Variants in ATP8A1 observed in about 807,000 individuals in gnomAD.
The protein encoded by ATP8A1 is phospholipid-transporting ATPase IA.
In ATP8A1, 90 loss-of-function variants were observed where a neutral mutation model predicts 177.7. The observed-to-expected ratio is 0.51, with a 90% CI of 0.43 to 0.60. The LOEUF is 0.60. Ranked by LOEUF, ATP8A1 falls within the 20% of genes least tolerant of loss-of-function variation. ATP8A1 has a pLI of 0.00. For synonymous variants in ATP8A1, 493 were observed against 485.9 expected, an observed-to-expected ratio of 1.01 and a Z score of -0.19; for missense variants, 1,072 against 1,392.8, an observed-to-expected ratio of 0.77 and a Z score of 3.67.
chr4:42,640,842 C>A (rs1366752373), intron 1 of ATP8A1, among the ~76,000 whole-genome samples: 1 of 152,046 alleles, frequency 6.6e-6, no homozygotes, highest in Non-Finnish European at 1.5e-5. Context: ...CCAGCCAGGC[C>A]AGTCAGATCC....
chr4:42,507,438 T>C (rs1379487561), intron 22 of ATP8A1, among the ~76,000 whole-genome samples: 2 of 152,016 alleles, frequency 1.3e-5, no homozygotes, highest in Non-Finnish European at 2.9e-5. Flanking sequence ...CAAAGTCAGT[T>C]AAAAACAGCC....
rs554930937 is a variant in ATP8A1 at position 42,411,120 on chromosome 4, T to C, written c.*1796A>G. ...GTTGATTCATGACTCTCTCAATCTG[T>C]ACCCCAAACAGGAAGGGCTTGGGAA... On this transcript the variant is annotated 3_prime_UTR_variant, in exon 37 of 37. Coordinates refer to ENST00000381668, the MANE Select transcript of ATP8A1 (RefSeq NM_006095.2). The C allele has an allele frequency of 7.9e-5, 12 of 152,288 alleles. No homozygotes were observed. Among genetic ancestry groups the C allele is most frequent in the African/African-American group, 2.6e-4 (11 of 41,564 alleles). 9.4% of individuals were successfully genotyped at this position (152,288 alleles called of 1,614,324 possible).
chr4:42,480,763 C>T (rs773234679), intron 25 of ATP8A1, among the ~76,000 whole-genome samples: 2 of 152,276 alleles, frequency 1.3e-5, no homozygotes, highest in Admixed American at 6.5e-5. Context: ...TCCCAAATGA[C>T]AACACTCACT....
At chr4:42,653,577 T>C (rs1365291782) in intron 1 of ATP8A1, among the ~76,000 whole-genome samples, 1 of 152,228 alleles carries the variant, frequency 6.6e-6, no homozygotes, top group East Asian at 1.9e-4. Context: ...CTATCTACCA[T>C]ACCTTTTCCT....
chr4:42,656,729 A>T (rs1741668839), intron 1 of ATP8A1, 96 bp downstream of exon 1: 1 of 1,319,890 alleles, frequency 7.6e-7, no homozygotes, highest in South Asian at 1.8e-5. Flanking sequence ...GCCGGGGAAG[A>T]GGTAGGATGC....
chr4:42,543,075 G>A (rs1205057389), intron 20 of ATP8A1, among the ~76,000 whole-genome samples: 1 of 152,134 alleles, frequency 6.6e-6, no homozygotes, highest in African/African-American at 2.4e-5. Flanking sequence ...CTAAATTCAT[G>A]AGACATCATG....
At chr4:42,426,797 G>T (rs763798475) in intron 33 of ATP8A1, among the ~76,000 whole-genome samples, 1 of 152,054 alleles carries the variant, frequency 6.6e-6, no homozygotes, top group Non-Finnish European at 1.5e-5. Flanking sequence ...CACAGCACAC[G>T]CTTGTCTTAT....
At chr4:42,502,421 A>G (rs28716104) in intron 24 of ATP8A1, among the ~76,000 whole-genome samples, 2 of 151,944 alleles carry the variant, frequency 1.3e-5, no homozygotes, top group Non-Finnish European at 2.9e-5. Context: ...TTGATACTTA[A>G]AACATTTAAA....
chr4:42,584,696 T>C (rs1172331965), intron 9 of ATP8A1, among the ~76,000 whole-genome samples: 2 of 152,212 alleles, frequency 1.3e-5, no homozygotes, highest in African/African-American at 4.8e-5. Flanking sequence ...TACCCTTTCA[T>C]TCTCAGTTAT....
intron 6 of ATP8A1, 70 bp from the exon 7 acceptor site, chr4:42,590,954 A>C: frequency 1.5e-6 from 2 of 1,358,140 alleles, no homozygotes; most frequent in Non-Finnish European, 2.1e-6. Flanking sequence ...AAAACAAACA[A>C]ATGGACAAAA....
Position 42,574,635 on chromosome 4 carries a change from C to T in ATP8A1, c.1279G>A (p.Ala427Thr). 1.2e-6 allele frequency: 2 copies of T among 1,609,980 alleles called. No individual in the cohort carries two copies. Among genetic ancestry groups the T allele is most frequent in the Non-Finnish European group, 1.7e-6 (2 of 1,178,760 alleles). ...AAAACTCACCCATAAGCAACTCCCG[C>T]TATGGTGCACTTCTTAAACTGCATT... is the stretch of plus-strand genomic sequence containing the variant. ...NVMQFKKCTIAGVAYGHVPEP... is the reference protein window; with the variant it reads ...NVMQFKKCTITGVAYGHVPEP... Residue 427 changes from alanine (A) to threonine (T), a missense_variant, in exon 14 of 37, where the codon GCG becomes ACG. Physicochemically the swap from Ala to Thr is moderately conservative, Grantham distance 58 (BLOSUM62 0). Around this residue, in one of 5 missense-constraint regions of ATP8A1, gnomAD observed 388 missense variants for 471.7 expected, o/e 0.82. Coordinates refer to ENST00000381668, the MANE Select transcript of ATP8A1 (RefSeq NM_006095.2).
At chr4:42,518,072 T>C (rs1725740715) in intron 22 of ATP8A1, among the ~76,000 whole-genome samples, 1 of 152,228 alleles carries the variant, frequency 6.6e-6, no homozygotes, top group Non-Finnish European at 1.5e-5. Flanking sequence ...TTTCAGCTTA[T>C]GCTAGGAGTT....
intron 33 of ATP8A1, among the ~76,000 whole-genome samples, chr4:42,435,756 C>T (rs569604374): frequency 1.6e-4 from 24 of 152,284 alleles, no homozygotes; most frequent in African/African-American, 5.3e-4. Context: ...GTGAAATGCT[C>T]TTCTTCATAT....
intron 22 of ATP8A1, among the ~76,000 whole-genome samples, chr4:42,512,061 C>T (rs776700839): frequency 6.6e-5 from 10 of 152,172 alleles, no homozygotes; most frequent in Non-Finnish European, 1.2e-4. Flanking sequence ...CAGCATTTCA[C>T]GGATAGAAAA....
At chr4:42,615,964 A>T (rs931320613) in intron 5 of ATP8A1, 69 bp downstream of exon 5, 2 of 1,370,888 alleles carry the variant, frequency 1.5e-6, no homozygotes, top group South Asian at 2.5e-5. Context: ...AATTATATGT[A>T]ATTGAAGTGT....
At chr4:42,631,498 C>T (rs1738728684) in intron 1 of ATP8A1, among the ~76,000 whole-genome samples, 1 of 152,180 alleles carries the variant, frequency 6.6e-6, no homozygotes, top group African/African-American at 2.4e-5. Flanking sequence ...CTGAGACTCT[C>T]ATAGCATTAG....
chr4:42,456,988 A>T (rs1032170794), intron 27 of ATP8A1, among the ~76,000 whole-genome samples: 1 of 152,178 alleles, frequency 6.6e-6, no homozygotes, highest in Non-Finnish European at 1.5e-5. Context: ...ATGTATAAAA[A>T]CTAATGTCTG....
At chr4:42,455,665 G>C in intron 27 of ATP8A1, 66 bp from the exon 28 acceptor site, 2 of 1,406,174 alleles carry the variant, frequency 1.4e-6, no homozygotes, top group Non-Finnish European at 2.0e-6. Flanking sequence ...CTTAGAATCT[G>C]TTGTATACTC....
rs115325979 is a variant in ATP8A1, at chr4:42,449,238, G to A, written c.2897-2594C>T. The stretch of plus-strand genomic sequence containing the variant: ...TGAGACAATCACTGCACTTTGGTAT[G>A]CAGAACTGCTTTATATGTATGTTAA... On this transcript the variant is annotated intron_variant, in intron 30 of 36. Transcript: ENST00000381668. 2.6e-3 allele frequency among the ~76,000 whole-genome samples: 401 copies of A among 152,334 alleles called. 1 individual carries two copies. The highest frequency in any genetic ancestry group is 9.4e-3 in the African/African-American group (389 of 41,570).
Sources: allele counts gnomAD v4.1 joint callset (sites outside exome capture counted in the v4.1 genomes callset), GRCh38; gene constraint gnomAD v4.1.1; regional missense constraint gnomAD v4.1.1; transcripts MANE v1.5; gene names NCBI Gene and HGNC (gene_info 2026-07-23, HGNC 2026-07-21).